Variants in CACNA2D1 observed in about 807,000 individuals in gnomAD.
CACNA2D1 encodes the protein voltage-dependent calcium channel subunit alpha-2/delta-1.
Under a neutral mutation model 171.5 loss-of-function variants are expected in CACNA2D1, and 53 were observed. The observed-to-expected ratio is 0.31, with a 90% CI of 0.25 to 0.39. The LOEUF is 0.39. Ranked by LOEUF, CACNA2D1 falls within the 10% of genes least tolerant of loss-of-function variation. The pLI, the probability that CACNA2D1 is intolerant of heterozygous loss-of-function variation, is 1.00. For missense variants in CACNA2D1, 903 were observed against 1,299.8 expected (o/e 0.69, Z 4.69); for synonymous variants, 442 against 443.1 (o/e 1.00, Z 0.03).
chr7:82,160,026 A>G (rs573324929), intron 4 of CACNA2D1, among the ~76,000 whole-genome samples: 95 of 151,866 alleles, frequency 6.3e-4, no homozygotes, highest in Middle Eastern at 3.4e-3. Flanking sequence ...TACAAGATGT[A>G]TTATTCCTAC....
chr7:82,111,740 C>A (rs1425312132), intron 6 of CACNA2D1, among the ~76,000 whole-genome samples: 1 of 151,910 alleles, frequency 6.6e-6, no homozygotes, highest in Non-Finnish European at 1.5e-5. Context: ...TGAGCCACCA[C>A]ACCAGGAGGA....
chr7:82,271,681 G>A (rs748093847), intron 3 of CACNA2D1, among the ~76,000 whole-genome samples: 2 of 152,072 alleles, frequency 1.3e-5, no homozygotes, highest in Non-Finnish European at 2.9e-5. Context: ...GAAAAAATAA[G>A]CTTTAGATGC....
chr7:82,037,926 T>C (rs1006568523), intron 11 of CACNA2D1, 151 bp downstream of exon 11: 6 of 674,124 alleles, frequency 8.9e-6, no homozygotes, highest in Non-Finnish European at 1.5e-5. Context: ...TAAAAATAGT[T>C]CAAAGGTTTC....
intron 1 of CACNA2D1, among the ~76,000 whole-genome samples, chr7:82,410,953 T>C (rs1585865006): frequency 6.6e-6 from 1 of 152,248 alleles, no homozygotes; most frequent in Admixed American, 6.5e-5. Flanking sequence ...GCTTCTTTGA[T>C]ATTCATTTGC....
rs576164504 is a variant in CACNA2D1, at chr7:81,967,785, GTTCA to G, written c.2396-126_2396-123del. 916 of 599,068 alleles carry G rather than the reference GTTCA, an allele frequency of 1.5e-3. 1 individual carries two copies. Among genetic ancestry groups the G allele is most frequent in the Non-Finnish European group, 2.3e-3 (743 of 327,152 alleles). 37.1% of individuals were successfully genotyped at this position (599,068 alleles called of 1,614,324 possible). On this transcript the variant is annotated intron_variant, in intron 29 of 38. Transcript: ENST00000356860. ...TTTATTACAGAAGTTTTAGTTTTGT[GTTCA>G]TTAAGAAATAATGCTAATAGCTCTT...
chr7:82,095,359 G>C (rs370620169), intron 6 of CACNA2D1, among the ~76,000 whole-genome samples: 8 of 151,676 alleles, frequency 5.3e-5, no homozygotes, highest in Admixed American at 2.6e-4. Flanking sequence ...TACTTCCTAC[G>C]TTTCACTATC....
rs2129455121 is a variant in CACNA2D1, at chr7:82,411,513, C to T, written c.95+31852G>A. Among the ~76,000 whole-genome samples the T allele has an allele frequency of 1.3e-5, 2 of 151,976 alleles. 1 individual carries two copies. The highest frequency in any genetic ancestry group is 4.2e-4 in the South Asian group (2 of 4,810). On this transcript the variant is annotated intron_variant, in intron 1 of 38. Coordinates refer to ENST00000356860, the MANE Select transcript of CACNA2D1 (RefSeq NM_000722.4). ...ATTATTGCTAACAACAAATTGTTAA[C>T]CAAATAAACAGCTGATGATTCAAAA...
intron 3 of CACNA2D1, among the ~76,000 whole-genome samples, chr7:82,295,263 T>A (rs1483265206): frequency 6.6e-6 from 1 of 152,012 alleles, no homozygotes; most frequent in African/African-American, 2.4e-5. Flanking sequence ...ACAGGTGGAA[T>A]AAGTTCAAGA....
intron 1 of CACNA2D1, among the ~76,000 whole-genome samples, chr7:82,364,985 C>T (rs962590035): frequency 1.3e-5 from 2 of 151,994 alleles, no homozygotes; most frequent in African/African-American, 4.8e-5. Context: ...ACCAATTCTC[C>T]CTCAATTTAT....
At chr7:82,120,684 G>A (rs1332375174) in intron 5 of CACNA2D1, among the ~76,000 whole-genome samples, 1 of 151,964 alleles carries the variant, frequency 6.6e-6, no homozygotes, top group Admixed American at 6.6e-5. Context: ...AGACCAGCCT[G>A]GTCAACATGG....
intron 3 of CACNA2D1, among the ~76,000 whole-genome samples, chr7:82,278,557 TAAAA>T (rs59630150): frequency 1.3e-4 from 14 of 107,766 alleles, no homozygotes; most frequent in African/African-American, 1.7e-4. Context: ...GACTCTGTCT[TAAAA>T]AAAAAAAAAA....
At chr7:82,440,272 A>AT (rs1218861267) in intron 1 of CACNA2D1, among the ~76,000 whole-genome samples, 1 of 151,870 alleles carries the variant, frequency 6.6e-6, no homozygotes, top group Non-Finnish European at 1.5e-5. Flanking sequence ...ATAACTATAT[A>AT]TTTTTTAATT....
intron 3 of CACNA2D1, among the ~76,000 whole-genome samples, chr7:82,270,703 C>T (rs1290775273): frequency 6.6e-6 from 1 of 152,010 alleles, no homozygotes; most frequent in Non-Finnish European, 1.5e-5. Flanking sequence ...CATATGCTAG[C>T]TCCTCTCTTC....
chr7:82,384,809 G>A (rs1026891039), intron 1 of CACNA2D1, among the ~76,000 whole-genome samples: 1 of 152,114 alleles, frequency 6.6e-6, no homozygotes, highest in Non-Finnish European at 1.5e-5. Context: ...CGTTAGGACA[G>A]AAATCAACAA....
At chr7:82,341,617 G>A (rs1002342315) in intron 2 of CACNA2D1, among the ~76,000 whole-genome samples, 3 of 151,996 alleles carry the variant, frequency 2.0e-5, no homozygotes, top group Admixed American at 1.3e-4. Context: ...GCATATTGTC[G>A]ATTGTGTTTA....
intron 3 of CACNA2D1, among the ~76,000 whole-genome samples, chr7:82,327,039 A>G (rs1012587428): frequency 1.4e-4 from 21 of 152,258 alleles, no homozygotes; most frequent in Non-Finnish European, 1.6e-4. Flanking sequence ...TATAACTGTT[A>G]CATTGAAAGG....
intron 6 of CACNA2D1, among the ~76,000 whole-genome samples, chr7:82,109,256 A>C (rs1355721222): frequency 2.6e-5 from 4 of 152,162 alleles, no homozygotes; most frequent in South Asian, 4.1e-4. Context: ...GGTTTTAAAA[A>C]ATCAATAAAC....
At chr7:82,300,449 G>T (rs1812856418) in intron 3 of CACNA2D1, among the ~76,000 whole-genome samples, 1 of 152,000 alleles carries the variant, frequency 6.6e-6, no homozygotes, top group Non-Finnish European at 1.5e-5. Flanking sequence ...AAACCATGTT[G>T]TCCACATAAA....
At chr7:82,362,764 G>A (rs1821215445) in intron 1 of CACNA2D1, among the ~76,000 whole-genome samples, 1 of 152,152 alleles carries the variant, frequency 6.6e-6, no homozygotes, top group Non-Finnish European at 1.5e-5. Context: ...ATTACTGCAA[G>A]TAATAAATAA....
Sources: gnomAD v4.1 joint callset for allele counts (sites outside exome capture counted in the v4.1 genomes callset) on GRCh38, gnomAD v4.1.1 for gene constraint, MANE v1.5 for transcripts, NCBI Gene and HGNC (gene_info 2026-07-23, HGNC 2026-07-21) for gene names.